PHTF2: variants seen among roughly 807,000 people sequenced by gnomAD.
The protein encoded by PHTF2 is putative homeodomain transcription factor 2.
Under a neutral mutation model 101.2 loss-of-function variants are expected in PHTF2, and 60 were observed. The ratio of observed to expected loss-of-function variants is 0.59; its 90% CI spans 0.48 to 0.73. The LOEUF (loss-of-function observed/expected upper bound fraction) is 0.73, where lower values mean the gene tolerates loss of function less well. PHTF2 is among the 30% of genes least tolerant of loss of function. The pLI, the probability that PHTF2 is intolerant of heterozygous loss-of-function variation, is 0.00. For missense variants in PHTF2, 747 were observed against 908.7 expected (o/e 0.82, Z 2.29); for synonymous variants, 311 against 307.3 (o/e 1.01, Z -0.13).
chr7:77,841,090 T>G (rs977798052), intron 2 of PHTF2, among the ~76,000 whole-genome samples: 1 of 142,134 alleles, frequency 7.0e-6, no homozygotes, highest in East Asian at 2.0e-4. Flanking sequence ...TTTTTTTTTT[T>G]TTTTTGAGAT....
chr7:77,892,309 A>G (rs1800510753), intron 3 of PHTF2, among the ~76,000 whole-genome samples: 1 of 152,152 alleles, frequency 6.6e-6, no homozygotes. Context: ...AATAACAGAC[A>G]TTAAAGGTTC....
At chr7:77,914,298 T>C (rs953922692) in intron 9 of PHTF2, among the ~76,000 whole-genome samples, 5 of 151,708 alleles carry the variant, frequency 3.3e-5, no homozygotes, top group Non-Finnish European at 7.4e-5. Flanking sequence ...ACATTTCGAT[T>C]GGGTCTTGAA....
exon 20 of PHTF2, chr7:77,956,300 T>G (rs944293406): frequency 1.3e-5 from 2 of 152,560 alleles, no homozygotes; most frequent in African/African-American, 2.4e-5. Flanking sequence ...ATAATTTATT[T>G]GATTGGTGCA....
chr7:77,943,846 C>T (rs1168588467), intron 16 of PHTF2, among the ~76,000 whole-genome samples: 2 of 151,800 alleles, frequency 1.3e-5, no homozygotes, highest in Non-Finnish European at 2.9e-5. Context: ...GGTAAAACCT[C>T]GTCTCTATTA....
chr7:77,830,183 A>G (rs117521562), intron 1 of PHTF2, among the ~76,000 whole-genome samples: 1 of 152,324 alleles, frequency 6.6e-6, no homozygotes, highest in Non-Finnish European at 1.5e-5. Flanking sequence ...TAAAGTCTAT[A>G]TAAAACAATA....
chr7:77,866,264 T>C (rs567930893), intron 3 of PHTF2, among the ~76,000 whole-genome samples: 37 of 152,200 alleles, frequency 2.4e-4, no homozygotes, highest in Non-Finnish European at 4.9e-4. Context: ...CTACATGATG[T>C]TAATAAGTAT....
At chr7:77,886,479 C>T (rs939340433) in intron 3 of PHTF2, among the ~76,000 whole-genome samples, 3 of 152,132 alleles carry the variant, frequency 2.0e-5, no homozygotes, top group African/African-American at 7.2e-5. Context: ...TCCCAGTTTT[C>T]CCTTCCTCCA....
intron 12 of PHTF2, among the ~76,000 whole-genome samples, chr7:77,932,621 A>AGAGAGAGTGT (rs759880633): frequency 6.7e-5 from 8 of 118,560 alleles, no homozygotes; most frequent in African/African-American, 2.8e-4. Context: ...AGAGAGAGAG[A>AGAGAGAGTGT]GTGTGTGTGT....
intron 1 of PHTF2, among the ~76,000 whole-genome samples, chr7:77,804,581 C>G (rs1792825154): frequency 6.6e-6 from 1 of 152,198 alleles, no homozygotes; most frequent in Non-Finnish European, 1.5e-5. Context: ...CCACCTTGGC[C>G]TCCCAAACTG....
chr7:77,931,672 G>A (rs1024619623), intron 12 of PHTF2, among the ~76,000 whole-genome samples: 6 of 152,124 alleles, frequency 3.9e-5, no homozygotes, highest in Non-Finnish European at 8.8e-5. Context: ...TAAAGTTGAA[G>A]TTCTATATAT....
intron 1 of PHTF2, among the ~76,000 whole-genome samples, chr7:77,803,782 A>C (rs1443786220): frequency 6.6e-6 from 1 of 152,000 alleles, no homozygotes; most frequent in Non-Finnish European, 1.5e-5. Context: ...AATGGCAAAC[A>C]AGCAAATAAA....
intron 3 of PHTF2, among the ~76,000 whole-genome samples, chr7:77,870,247 GTTT>G (rs35903374): frequency 7.6e-6 from 1 of 132,410 alleles, no homozygotes. Context: ...AATCCATTTT[GTTT>G]TTTTTTTTTT....
At chr7:77,873,454 A>AC (rs951007203) in intron 3 of PHTF2, among the ~76,000 whole-genome samples, 7 of 151,634 alleles carry the variant, frequency 4.6e-5, no homozygotes, top group Admixed American at 2.0e-4. Context: ...CACACTATCA[A>AC]CCCCCCCATC....
intron 3 of PHTF2, among the ~76,000 whole-genome samples, chr7:77,879,672 A>C (rs1452441301): frequency 6.6e-6 from 1 of 152,102 alleles, no homozygotes; most frequent in Non-Finnish European, 1.5e-5. Context: ...GATAATTGAC[A>C]TAGTCAATTA....
exon 14 of PHTF2, chr7:77,940,100 C>A (rs1310863664): frequency 1.9e-6 from 3 of 1,613,620 alleles, no homozygotes; most frequent in Non-Finnish European, 2.5e-6. Context: ...CTGGGTTTAA[C>A]TCCATTTGTT....
intron 1 of PHTF2, among the ~76,000 whole-genome samples, chr7:77,834,343 C>T (rs1479824933): frequency 1.4e-5 from 2 of 146,498 alleles, no homozygotes; most frequent in African/African-American, 2.5e-5. Context: ...AAATTTTAAA[C>T]GGAAGGAAGA....
At chr7:77,920,662 T>C (rs1195460339) in intron 10 of PHTF2, among the ~76,000 whole-genome samples, 197 bp downstream of exon 9, 4 of 152,172 alleles carry the variant, frequency 2.6e-5, no homozygotes, top group African/African-American at 9.6e-5. Context: ...TGACACCTTC[T>C]GAATTGATGG....
At chr7:77,921,803 A>G (rs1306085782) in intron 10 of PHTF2, among the ~76,000 whole-genome samples, 1 of 152,140 alleles carries the variant, frequency 6.6e-6, no homozygotes, top group African/African-American at 2.4e-5. Flanking sequence ...CGTAATTTCT[A>G]AACTCTGGAT....
chr7:77,887,242 A>G (rs913177268), intron 3 of PHTF2, among the ~76,000 whole-genome samples: 1 of 152,148 alleles, frequency 6.6e-6, no homozygotes, highest in Non-Finnish European at 1.5e-5. Context: ...GCATGTATAA[A>G]GTGTTCATTT....
Sources: gnomAD v4.1 joint callset for allele counts (sites outside exome capture counted in the v4.1 genomes callset) on GRCh38, gnomAD v4.1.1 for gene constraint, MANE v1.5 for transcripts, NCBI Gene and HGNC (gene_info 2026-07-23, HGNC 2026-07-21) for gene names.